The following GUCY2C variants were observed in gnomAD, a reference collection of about 807,000 sequenced individuals.
GUCY2C encodes guanylyl cyclase C.
GUCY2C carries 118 observed loss-of-function variants against 131.1 expected under a neutral mutation model. That is an observed-to-expected ratio of 0.90 (90% CI 0.78 to 1.05). The LOEUF is 1.05. Among genes scored for constraint, GUCY2C ranks in the 50% least tolerant of loss-of-function variants. GUCY2C has a pLI of 0.00. For synonymous variants in GUCY2C, 452 were observed against 457.8 expected (o/e 0.99, Z 0.16); for missense variants, 1,161 against 1,304.4 (o/e 0.89, Z 1.69).
chr12:14,672,815 T>C (rs1211610790), intron 9 of GUCY2C, 58 bp downstream of exon 9: 1 of 908,916 alleles, frequency 1.1e-6, no homozygotes, highest in Non-Finnish European at 1.8e-6. Flanking sequence ...CTCTTCCAAG[T>C]TACCCCTCCT....
At chr12:14,650,954 C>T (rs909063921) in intron 15 of GUCY2C, among the ~76,000 whole-genome samples, 13 of 152,062 alleles carry the variant, frequency 8.5e-5, no homozygotes, top group African/African-American at 3.1e-4. Flanking sequence ...TTTGGACTTG[C>T]TCAGTCCAAA....
intron 10 of GUCY2C, among the ~76,000 whole-genome samples, chr12:14,666,974 T>C (rs1947994398): frequency 6.6e-6 from 1 of 152,144 alleles, no homozygotes; most frequent in South Asian, 2.1e-4. Flanking sequence ...CTGTAGGATA[T>C]AGTATGAATA....
intron 17 of GUCY2C, among the ~76,000 whole-genome samples, chr12:14,643,197 T>A (rs34644816): frequency 1.3e-3 from 196 of 152,310 alleles, no homozygotes; most frequent in Admixed American, 4.0e-3. Context: ...GTACTCTACC[T>A]TCTTGGACAA....
chr12:14,675,207 C>CAAAAAAAAA (rs35870014), intron 7 of GUCY2C, among the ~76,000 whole-genome samples: 70 of 34,278 alleles, frequency 2.0e-3, no homozygotes, highest in South Asian at 4.8e-3. Flanking sequence ...AACTCCATCT[C>CAAAAAAAAA]AAAAAAAAAA....
At chr12:14,684,157 A>T (rs1046778341) in intron 3 of GUCY2C, among the ~76,000 whole-genome samples, 1 of 152,098 alleles carries the variant, frequency 6.6e-6, no homozygotes, top group Non-Finnish European at 1.5e-5. Context: ...GTGATTTCTG[A>T]TGTGAGTCTC....
intron 19 of GUCY2C, among the ~76,000 whole-genome samples, chr12:14,638,077 AAAG>A (rs1473784793): frequency 6.6e-6 from 1 of 152,256 alleles, no homozygotes; most frequent in African/African-American, 2.4e-5. Flanking sequence ...ACATTTCTCA[AAAG>A]AAGATTTATA....
chr12:14,625,030 C>G (rs1240876243), intron 21 of GUCY2C, among the ~76,000 whole-genome samples: 2 of 152,228 alleles, frequency 1.3e-5, no homozygotes, highest in Non-Finnish European at 2.9e-5. Context: ...GGGTTCCCTA[C>G]TGTTCCCAGG....
chr12:14,687,883 T>C (rs1948502835), intron 2 of GUCY2C, 68 bp downstream of exon 2: 3 of 858,176 alleles, frequency 3.5e-6, no homozygotes, highest in Non-Finnish European at 6.1e-6. Flanking sequence ...GTCATGTGCC[T>C]ACATTTCACA....
chr12:14,666,240 C>T (rs1036406489), intron 10 of GUCY2C, among the ~76,000 whole-genome samples: 6 of 152,184 alleles, frequency 3.9e-5, no homozygotes, highest in Admixed American at 2.6e-4. Flanking sequence ...TGTGGCTTTA[C>T]CCGGCCGGCA....
chr12:14,686,124 T>C, intron 3 of GUCY2C, 37 bp downstream of exon 3: 1 of 1,266,554 alleles, frequency 7.9e-7, no homozygotes, highest in Non-Finnish European at 1.2e-6. Context: ...AGTTGCAATA[T>C]CATGTCCTGA....
rs371210883 is a variant in GUCY2C at position 14,641,258 on chromosome 12, G to C, written c.1931-39C>G. 6.8e-6 allele frequency: 11 copies of C among 1,607,292 alleles called. No homozygotes were observed. In the African/African-American group the frequency reaches 8.0e-5, roughly 12 times the overall value. On this transcript the variant is annotated intron_variant, in intron 17 of 26. Transcript: ENST00000261170. ...CATTGAGATTACAAAGTTGAGGGGGGTGAGTGGTTCATAGGCCTCCAACCT... is the reference window on the plus strand; with the variant it reads ...CATTGAGATTACAAAGTTGAGGGGGCTGAGTGGTTCATAGGCCTCCAACCT...
chr12:14,622,303 T>G, intron 21 of GUCY2C, 106 bp from the exon 22 acceptor site: 1 of 667,000 alleles, frequency 1.5e-6, no homozygotes, highest in Non-Finnish European at 2.4e-6. Context: ...ATTCTAGAAT[T>G]TGAGACTTCC....
chr12:14,649,340 C>T (rs1947591895), intron 15 of GUCY2C, among the ~76,000 whole-genome samples: 1 of 152,048 alleles, frequency 6.6e-6, no homozygotes, highest in African/African-American at 2.4e-5. Context: ...AGAAAGAATA[C>T]CAGATTCAGC....
chr12:14,641,242 T>C (rs764007770), intron 17 of GUCY2C, 23 bp from the exon 18 acceptor site: 1 of 1,611,468 alleles, frequency 6.2e-7, no homozygotes, highest in Admixed American at 1.7e-5. Flanking sequence ...ACATTGAGAT[T>C]ACAAAGTTGA....
chr12:14,664,163 G>C (rs1178948019), intron 10 of GUCY2C, among the ~76,000 whole-genome samples: 2 of 152,190 alleles, frequency 1.3e-5, no homozygotes, highest in Non-Finnish European at 1.5e-5. Context: ...TACTCTCATC[G>C]GGGCAGAAAT....
chr12:14,646,805 GCAGGGA>G (rs1180868608), intron 15 of GUCY2C, among the ~76,000 whole-genome samples: 3 of 152,138 alleles, frequency 2.0e-5, no homozygotes, highest in African/African-American at 7.2e-5. Context: ...TATCTCTAGA[GCAGGGA>G]CTGTGTTAGT....
At chr12:14,627,664 G>A (rs1947052466) in intron 20 of GUCY2C, among the ~76,000 whole-genome samples, 1 of 152,062 alleles carries the variant, frequency 6.6e-6, no homozygotes, top group Non-Finnish European at 1.5e-5. Flanking sequence ...AGCCAAGTTT[G>A]AGAACCATCA....
intron 9 of GUCY2C, among the ~76,000 whole-genome samples, chr12:14,670,521 A>G (rs1361091721): frequency 6.6e-6 from 1 of 152,048 alleles, no homozygotes; most frequent in Non-Finnish European, 1.5e-5. Flanking sequence ...GATGACTGAT[A>G]TGGTTTGGCT....
chr12:14,690,644 C>A (rs550243204), intron 1 of GUCY2C, among the ~76,000 whole-genome samples: 7 of 152,110 alleles, frequency 4.6e-5, no homozygotes, highest in Non-Finnish European at 4.4e-5. Context: ...CATGTTCATG[C>A]CATTCTCCTG....
Sources: allele counts gnomAD v4.1 joint callset (sites outside exome capture counted in the v4.1 genomes callset), GRCh38; gene constraint gnomAD v4.1.1; transcripts MANE v1.5; gene names NCBI Gene and HGNC (gene_info 2026-07-23, HGNC 2026-07-21).